The following PHACTR3 variants were observed in gnomAD, a reference collection of about 807,000 sequenced individuals.
PHACTR3 encodes protein phosphatase 1, regulatory subunit 123.
PHACTR3 carries 16 observed loss-of-function variants against 66.8 expected under a neutral mutation model. That is an observed-to-expected ratio of 0.24 (90% CI 0.16 to 0.36). The LOEUF is 0.36. PHACTR3 is among the 10% of genes least tolerant of loss of function. PHACTR3 has a pLI of 1.00. For missense variants in PHACTR3, 647 were observed against 719.9 expected (o/e 0.90, Z 1.16); for synonymous variants, 323 against 292.1 (o/e 1.11, Z -1.08).
intron 2 of PHACTR3, among the ~76,000 whole-genome samples, chr20:59,744,142 C>A (rs905849381): frequency 6.6e-6 from 1 of 152,254 alleles, no homozygotes; most frequent in Admixed American, 6.5e-5. Context: ...GCCAACTCAA[C>A]CCTCAGAACC....
At chr20:59,621,672 T>A (rs2034245174) in intron 1 of PHACTR3, among the ~76,000 whole-genome samples, 1 of 152,176 alleles carries the variant, frequency 6.6e-6, no homozygotes, top group Non-Finnish European at 1.5e-5. Flanking sequence ...TCAGTGGCCT[T>A]CCCTGAAGGA....
rs576488954 is a variant in PHACTR3 at position 59,608,752 on chromosome 20, C to T, written c.118+3620C>T. Among the ~76,000 whole-genome samples, 20 of 152,360 alleles carry T rather than the reference C, an allele frequency of 1.3e-4. No individual in the cohort carries two copies. In the South Asian group the frequency reaches 4.1e-3, roughly 32 times the overall value. ...AACTCTCTGGCTCTGAGCTCCAGACCTCTGTGTTCTGCCCGGTCCTTCCAG... is the reference window on the plus strand; with the variant it reads ...AACTCTCTGGCTCTGAGCTCCAGACTTCTGTGTTCTGCCCGGTCCTTCCAG... On this transcript the variant is annotated intron_variant, in intron 1 of 12. Coordinates refer to ENST00000371015, the MANE Select transcript of PHACTR3 (RefSeq NM_080672.5).
chr20:59,815,171 A>G (rs916642761), intron 8 of PHACTR3, among the ~76,000 whole-genome samples: 1 of 152,176 alleles, frequency 6.6e-6, no homozygotes, highest in Non-Finnish European at 1.5e-5. Flanking sequence ...TGGTGTACAC[A>G]TGAGGAGGGA....
At chr20:59,635,901 T>A (rs2034886331) in intron 1 of PHACTR3, among the ~76,000 whole-genome samples, 1 of 152,220 alleles carries the variant, frequency 6.6e-6, no homozygotes, top group Admixed American at 6.5e-5. Flanking sequence ...TGTTTTAAGC[T>A]GCTCAGTGAT....
At chr20:59,839,317 C>G (rs760237982) in intron 9 of PHACTR3, among the ~76,000 whole-genome samples, 33 of 152,242 alleles carry the variant, frequency 2.2e-4, no homozygotes, top group African/African-American at 7.5e-4. Flanking sequence ...TCCAAGATGA[C>G]TCACTTAAAA....
At chr20:59,827,889 C>T (rs1422342649) in intron 8 of PHACTR3, among the ~76,000 whole-genome samples, 2 of 152,032 alleles carry the variant, frequency 1.3e-5, no homozygotes, top group African/African-American at 4.8e-5. Flanking sequence ...CCTATGCCCT[C>T]AGGACACAGG....
At chr20:59,647,816 G>A (rs375130632) in intron 1 of PHACTR3, among the ~76,000 whole-genome samples, 30 of 152,318 alleles carry the variant, frequency 2.0e-4, no homozygotes, top group African/African-American at 7.0e-4. Context: ...ATGTGCTTGT[G>A]AATCTCAATG....
At chr20:59,744,346 G>T (rs192724036) in intron 2 of PHACTR3, among the ~76,000 whole-genome samples, 242 of 152,344 alleles carry the variant, frequency 1.6e-3, no homozygotes, top group African/African-American at 5.1e-3. Context: ...AGAGAGCCCG[G>T]AGGAGGCCGC....
At chr20:59,668,323 G>GGC (rs1258292703) in intron 1 of PHACTR3, among the ~76,000 whole-genome samples, 45 of 152,066 alleles carry the variant, frequency 3.0e-4, no homozygotes, top group African/African-American at 1.0e-3. Context: ...CCTGTACATG[G>GGC]TTAGAGGTGG....
At chr20:59,752,384 C>T (rs1022614987) in intron 3 of PHACTR3, among the ~76,000 whole-genome samples, 13 of 152,202 alleles carry the variant, frequency 8.5e-5, no homozygotes, top group African/African-American at 2.9e-4. Flanking sequence ...GGAGAGTGGC[C>T]GGGCGGAGGC....
intron 7 of PHACTR3, among the ~76,000 whole-genome samples, chr20:59,787,849 C>A (rs2040964776): frequency 6.6e-6 from 1 of 152,328 alleles, no homozygotes; most frequent in Middle Eastern, 3.4e-3. Flanking sequence ...TTTACAGAAA[C>A]TAGACTTTAT....
chr20:59,740,683 G>T (rs887205987), intron 1 of PHACTR3, among the ~76,000 whole-genome samples: 1 of 151,964 alleles, frequency 6.6e-6, no homozygotes, highest in Non-Finnish European at 1.5e-5. Context: ...TTTATCAACA[G>T]ATGTGGAAAC....
intron 1 of PHACTR3, among the ~76,000 whole-genome samples, chr20:59,666,825 C>T (rs895237311): frequency 6.6e-6 from 1 of 152,218 alleles, no homozygotes; most frequent in Non-Finnish European, 1.5e-5. Flanking sequence ...GTCCTGAGAT[C>T]CAGAGAAGTC....
At chr20:59,717,565 G>C (rs1424274331) in intron 1 of PHACTR3, among the ~76,000 whole-genome samples, 1 of 152,204 alleles carries the variant, frequency 6.6e-6, no homozygotes, top group Non-Finnish European at 1.5e-5. Context: ...GCTCAGAGAG[G>C]TGGAGCAACT....
At chr20:59,621,177 G>C (rs113777844) in intron 1 of PHACTR3, among the ~76,000 whole-genome samples, 14 of 152,380 alleles carry the variant, frequency 9.2e-5, no homozygotes, top group African/African-American at 3.1e-4. Flanking sequence ...GATTTGGGAA[G>C]GTGCTCTCAG....
At chr20:59,774,982 CAG>C (rs1353682198) in intron 7 of PHACTR3, among the ~76,000 whole-genome samples, 1 of 152,220 alleles carries the variant, frequency 6.6e-6, no homozygotes, top group East Asian at 1.9e-4. Context: ...ATGGCCGTCT[CAG>C]AAGTGCTGTG....
intron 1 of PHACTR3, among the ~76,000 whole-genome samples, chr20:59,615,513 C>T (rs1008837515): frequency 3.9e-5 from 6 of 152,212 alleles, no homozygotes; most frequent in Non-Finnish European, 5.9e-5. Flanking sequence ...TCAAACTTGT[C>T]CCCTTCTGTG....
At chr20:59,641,403 G>A (rs1343579340) in intron 1 of PHACTR3, among the ~76,000 whole-genome samples, 2 of 152,302 alleles carry the variant, frequency 1.3e-5, no homozygotes, top group South Asian at 2.1e-4. Context: ...GTTCTAGTGC[G>A]AGTTTGAAGG....
intron 1 of PHACTR3, among the ~76,000 whole-genome samples, chr20:59,726,796 C>G (rs1386750581): frequency 3.3e-5 from 5 of 152,084 alleles, no homozygotes; most frequent in Non-Finnish European, 2.9e-5. Context: ...TGTTCCCGGA[C>G]TTTGCATATT....
Sources: gnomAD v4.1 joint callset for allele counts (sites outside exome capture counted in the v4.1 genomes callset) on GRCh38, gnomAD v4.1.1 for gene constraint, MANE v1.5 for transcripts, NCBI Gene and HGNC (gene_info 2026-07-23, HGNC 2026-07-21) for gene names.